STXBP5L: variants seen among roughly 807,000 people sequenced by gnomAD.
The protein encoded by STXBP5L is syntaxin-binding protein 5-like.
In STXBP5L, 65 loss-of-function variants were observed where a neutral mutation model predicts 144.5. That is an observed-to-expected ratio of 0.45 (90% confidence interval 0.37 to 0.55). The LOEUF (loss-of-function observed/expected upper bound fraction) is 0.55. Among genes scored for constraint, STXBP5L ranks in the 20% least tolerant of loss-of-function variants. The probability of loss-of-function intolerance (pLI) is 0.00; values close to 1 mark genes in which losing one functional copy is unlikely to be tolerated. For synonymous variants in STXBP5L, 505 were observed against 469.6 expected (o/e 1.08, Z -0.97); for missense variants, 1,298 against 1,405.5 (o/e 0.92, Z 1.22).
chr3:121,197,626 G>T (rs1251255505), intron 9 of STXBP5L, among the ~76,000 whole-genome samples: 1 of 151,980 alleles, frequency 6.6e-6, no homozygotes, highest in Admixed American at 6.6e-5. Flanking sequence ...CATGCATTAG[G>T]TATTTGTCTT....
At chr3:121,061,068 T>C (rs1462618177) in intron 5 of STXBP5L, among the ~76,000 whole-genome samples, 5 of 152,206 alleles carry the variant, frequency 3.3e-5, no homozygotes, top group Non-Finnish European at 7.3e-5. Flanking sequence ...GATGTTAGGG[T>C]ATTGATTTTA....
At chr3:120,959,778 G>A (rs1326502588) in intron 3 of STXBP5L, among the ~76,000 whole-genome samples, 2 of 152,162 alleles carry the variant, frequency 1.3e-5, no homozygotes, top group African/African-American at 4.8e-5. Context: ...AGAATTAAAT[G>A]TTAGACCTAA....
At chr3:121,343,344 G>C (rs558745422) in intron 20 of STXBP5L, among the ~76,000 whole-genome samples, 3 of 152,060 alleles carry the variant, frequency 2.0e-5, no homozygotes, top group South Asian at 4.2e-4. Flanking sequence ...GCTCTTTACA[G>C]GGATGCCCTC....
chr3:121,183,456 A>G (rs886842382), intron 9 of STXBP5L, among the ~76,000 whole-genome samples: 7 of 152,166 alleles, frequency 4.6e-5, no homozygotes, highest in African/African-American at 1.7e-4. Context: ...TCAGGACAAA[A>G]CAAATCAGTG....
chr3:121,104,485 C>T (rs1049984332), intron 5 of STXBP5L, among the ~76,000 whole-genome samples: 8 of 152,132 alleles, frequency 5.3e-5, no homozygotes, highest in Admixed American at 1.3e-4. Context: ...TCACATGACC[C>T]GACTTCAAAC....
chr3:121,000,919 C>CCCACTTGGG (rs1943720566), intron 3 of STXBP5L, among the ~76,000 whole-genome samples: 1 of 152,156 alleles, frequency 6.6e-6, no homozygotes, highest in Non-Finnish European at 1.5e-5. Flanking sequence ...GCACTTTAAT[C>CCCACTTGGG]CTGGGGTTGC....
chr3:121,122,722 A>G (rs1194389354), intron 7 of STXBP5L, among the ~76,000 whole-genome samples: 1 of 151,580 alleles, frequency 6.6e-6, no homozygotes, highest in African/African-American at 2.4e-5. Context: ...TTTAATAAAC[A>G]TTAAAATTAC....
chr3:121,018,796 C>T (rs992337510), intron 3 of STXBP5L, among the ~76,000 whole-genome samples: 2 of 152,206 alleles, frequency 1.3e-5, no homozygotes, highest in African/African-American at 4.8e-5. Flanking sequence ...GACAGAACAG[C>T]ATGTGGAGAC....
At chr3:121,344,160 A>T (rs1397324384) in intron 20 of STXBP5L, among the ~76,000 whole-genome samples, 3 of 152,136 alleles carry the variant, frequency 2.0e-5, no homozygotes, top group Admixed American at 2.0e-4. Flanking sequence ...AGGATTCCGT[A>T]TTTAATAAAT....
intron 9 of STXBP5L, among the ~76,000 whole-genome samples, chr3:121,202,741 T>C (rs1424683391): frequency 1.3e-5 from 2 of 152,140 alleles, no homozygotes; most frequent in Non-Finnish European, 2.9e-5. Flanking sequence ...CCATTGCCTT[T>C]CAGCCTCCAT....
intron 5 of STXBP5L, among the ~76,000 whole-genome samples, chr3:121,046,411 T>C (rs1324892089): frequency 6.6e-6 from 1 of 152,194 alleles, no homozygotes; most frequent in Non-Finnish European, 1.5e-5. Context: ...CCTCAATTTT[T>C]TGGAGTAGTT....
At chr3:121,340,581 GT>G (rs2044672548) in intron 20 of STXBP5L, among the ~76,000 whole-genome samples, 1 of 151,300 alleles carries the variant, frequency 6.6e-6, no homozygotes, top group Non-Finnish European at 1.5e-5. Context: ...AACATGTGGT[GT>G]TTGGTGTTCT....
rs1334989983 is a variant in STXBP5L, at chr3:121,419,519, A to G, written c.*422A>G. The G allele has an allele frequency of 9.8e-5, 15 of 153,556 alleles. No homozygotes were observed. The highest frequency in any genetic ancestry group is 9.1e-4 in the Admixed American group (14 of 15,316). 9.5% of individuals were successfully genotyped at this position (153,556 alleles called of 1,614,324 possible). On this transcript the variant is annotated 3_prime_UTR_variant, in exon 27 of 27. Transcript: ENST00000471454. ...GTTGTGATAGAAGAAAAAAAGATTCATGGTAAACTATTTCTATCAATTGGG... is the reference window on the plus strand; with the variant it reads ...GTTGTGATAGAAGAAAAAAAGATTCGTGGTAAACTATTTCTATCAATTGGG...
chr3:121,385,674 A>T (rs1318499558), intron 22 of STXBP5L, among the ~76,000 whole-genome samples: 2 of 151,988 alleles, frequency 1.3e-5, no homozygotes, highest in Non-Finnish European at 2.9e-5. Flanking sequence ...TTTTCTTCTG[A>T]TCCCTTTTAC....
chr3:121,105,809 G>C (rs570642466), intron 5 of STXBP5L, among the ~76,000 whole-genome samples: 8 of 152,012 alleles, frequency 5.3e-5, no homozygotes, highest in Non-Finnish European at 1.0e-4. Flanking sequence ...AAAATTCAAC[G>C]TCACATTAAT....
rs1375289188 is a variant in STXBP5L at position 121,421,224 on chromosome 3, G to A, written c.*2127G>A. Reference sequence around the variant, plus strand: ...CTGTATTTTAAAAAAAACTAAAAGAGTAAAATATTAGTTTATTTTAGAAAT... The same window carrying A: ...CTGTATTTTAAAAAAAACTAAAAGAATAAAATATTAGTTTATTTTAGAAAT... On this transcript the variant is annotated 3_prime_UTR_variant, in exon 27 of 27. Coordinates refer to ENST00000471454, the MANE Select transcript of STXBP5L (RefSeq NM_001308330.2). The A allele has an allele frequency of 6.6e-6, 1 of 152,006 alleles. No homozygotes were observed. Among genetic ancestry groups the A allele is most frequent in the African/African-American group, 2.4e-5 (1 of 41,394 alleles). The allele number at this position is 152,006 out of a possible 1,614,324, so 9.4% of individuals were successfully genotyped here.
intron 3 of STXBP5L, among the ~76,000 whole-genome samples, chr3:120,964,378 T>G (rs1939285725): frequency 6.6e-6 from 1 of 152,206 alleles, no homozygotes; most frequent in Non-Finnish European, 1.5e-5. Flanking sequence ...GGTGTCGATT[T>G]TAGATCTTTC....
chr3:120,960,204 A>G (rs147535253), intron 3 of STXBP5L, among the ~76,000 whole-genome samples: 1 of 152,370 alleles, frequency 6.6e-6, no homozygotes, highest in African/African-American at 2.4e-5. Flanking sequence ...CAAAACCACA[A>G]TGAGATACCA....
intron 15 of STXBP5L, among the ~76,000 whole-genome samples, chr3:121,253,797 ATT>A (rs373767147): frequency 1.7e-4 from 21 of 120,620 alleles, no homozygotes; most frequent in African/African-American, 5.9e-4. Flanking sequence ...CGCCCCGCTA[ATT>A]TTTTTTTTTT....
Sources: allele counts gnomAD v4.1 joint callset (sites outside exome capture counted in the v4.1 genomes callset), GRCh38; gene constraint gnomAD v4.1.1; transcripts MANE v1.5; gene names NCBI Gene and HGNC (gene_info 2026-07-23, HGNC 2026-07-21).